FBXL13: variants seen among roughly 807,000 people sequenced by gnomAD.
FBXL13 encodes the protein F-box and leucine rich repeat protein 13, also known as F-box and leucine-rich repeat protein 13.
FBXL13 carries 67 observed loss-of-function variants against 83.6 expected under a neutral mutation model. The ratio of observed to expected loss-of-function variants is 0.80; its 90% CI spans 0.66 to 0.98. The LOEUF is 0.98. Among genes scored for constraint, FBXL13 ranks in the 50% least tolerant of loss-of-function variants. The pLI, the probability that FBXL13 is intolerant of heterozygous loss-of-function variation, is 0.00. For missense variants in FBXL13, 822 were observed against 866.5 expected (o/e 0.95, Z 0.64); for synonymous variants, 272 against 299.5 (o/e 0.91, Z 0.95).
chr7:103,021,876 T>C (rs1793221683), intron 6 of FBXL13, among the ~76,000 whole-genome samples: 2 of 152,282 alleles, frequency 1.3e-5, no homozygotes, highest in South Asian at 4.1e-4. Context: ...TTTTACACCG[T>C]TGGTGGGACT....
chr7:103,050,352 G>A (rs904026882), intron 2 of FBXL13, among the ~76,000 whole-genome samples: 17 of 152,156 alleles, frequency 1.1e-4, no homozygotes, highest in South Asian at 4.1e-4. Context: ...CAGCCCTAGC[G>A]TCCCAGCTTG....
At chr7:102,979,349 GA>G in intron 6 of FBXL13, among the ~76,000 whole-genome samples, 1 of 152,194 alleles carries the variant, frequency 6.6e-6, no homozygotes, top group East Asian at 1.9e-4. Flanking sequence ...TGCATTCTAA[GA>G]AGTCTTGCCT....
chr7:102,948,368 G>C (rs990902307), intron 8 of FBXL13, among the ~76,000 whole-genome samples: 1 of 151,872 alleles, frequency 6.6e-6, no homozygotes, highest in African/African-American at 2.4e-5. Context: ...CAGTAATGAG[G>C]ATCTACTTGT....
chr7:102,893,993 GAAAGAGGAAAGA>G, intron 11 of FBXL13, among the ~76,000 whole-genome samples: 1 of 149,632 alleles, frequency 6.7e-6, no homozygotes, highest in African/African-American at 2.4e-5. Flanking sequence ...AGGAAAGAAA[GAAAGAGGAAAGA>G]AAAGAAAGAG....
chr7:102,843,692 C>G (rs1449392006), intron 17 of FBXL13, among the ~76,000 whole-genome samples: 1 of 152,180 alleles, frequency 6.6e-6, no homozygotes, highest in Non-Finnish European at 1.5e-5. Flanking sequence ...AGGAGAATCG[C>G]TTGAACCCAG....
intron 2 of FBXL13, among the ~76,000 whole-genome samples, chr7:103,035,960 A>G (rs1226281148): frequency 6.6e-6 from 1 of 152,204 alleles, no homozygotes; most frequent in Non-Finnish European, 1.5e-5. Flanking sequence ...GTACAGGTCC[A>G]TGGCCTGTTA....
chr7:102,847,147 G>A (rs1406096312), intron 17 of FBXL13, among the ~76,000 whole-genome samples: 2 of 151,920 alleles, frequency 1.3e-5, no homozygotes, highest in African/African-American at 4.8e-5. Flanking sequence ...AGTTGCGACA[G>A]AGACTGTATG....
At chr7:102,847,360 T>C (rs1804182962) in intron 17 of FBXL13, among the ~76,000 whole-genome samples, 1 of 152,212 alleles carries the variant, frequency 6.6e-6, no homozygotes, top group Non-Finnish European at 1.5e-5. Context: ...AAATTAGGAC[T>C]CTTGACAGCT....
chr7:102,995,869 A>G (rs1789734380), intron 6 of FBXL13, among the ~76,000 whole-genome samples: 1 of 152,336 alleles, frequency 6.6e-6, no homozygotes, highest in East Asian at 1.9e-4. Context: ...TTTAAAATGC[A>G]AAAACTGGCA....
intron 16 of FBXL13, among the ~76,000 whole-genome samples, chr7:102,860,691 G>A (rs1298001981): frequency 6.6e-6 from 1 of 152,062 alleles, no homozygotes; most frequent in Non-Finnish European, 1.5e-5. Flanking sequence ...GTGTGTGTGT[G>A]TGTGTGGTGT....
chr7:102,819,815 C>A (rs921060166), intron 19 of FBXL13, among the ~76,000 whole-genome samples: 4 of 152,182 alleles, frequency 2.6e-5, no homozygotes, highest in African/African-American at 9.7e-5. Context: ...GATTAGAGAT[C>A]ATCAAGGGCT....
chr7:102,818,610 G>A (rs771545779), intron 19 of FBXL13, among the ~76,000 whole-genome samples: 1 of 152,128 alleles, frequency 6.6e-6, no homozygotes, highest in Non-Finnish European at 1.5e-5. Context: ...TGCCTGAGCA[G>A]TAGGGACTGT....
intron 6 of FBXL13, among the ~76,000 whole-genome samples, chr7:102,970,348 TAAA>T (rs879536381): frequency 3.3e-5 from 5 of 149,938 alleles, no homozygotes; most frequent in African/African-American, 1.2e-4. Context: ...TCATTTTTTT[TAAA>T]AAAATGAATG....
At chr7:102,879,284 C>A (rs1047543059) in intron 14 of FBXL13, among the ~76,000 whole-genome samples, 1 of 152,096 alleles carries the variant, frequency 6.6e-6, no homozygotes, top group Non-Finnish European at 1.5e-5. Flanking sequence ...TTACACCCTC[C>A]GTTTGTTCAG....
intron 16 of FBXL13, among the ~76,000 whole-genome samples, chr7:102,863,379 G>A (rs572693418): frequency 5.3e-5 from 8 of 152,270 alleles, no homozygotes; most frequent in African/African-American, 1.4e-4. Flanking sequence ...TAGTTACTGG[G>A]GGTATAGATC....
At chr7:103,027,643 G>A (rs1232055084) in intron 4 of FBXL13, 85 bp from the exon 6 acceptor site, 1 of 796,206 alleles carries the variant, frequency 1.3e-6, no homozygotes, top group Non-Finnish European at 1.9e-6. Context: ...AGTCTATCAT[G>A]TTTATGAGAC....
chr7:102,878,210 C>T, intron 15 of FBXL13, 121 bp downstream of exon 16: 2 of 796,998 alleles, frequency 2.5e-6, no homozygotes, highest in Non-Finnish European at 3.5e-6. Flanking sequence ...ATTTAACCAG[C>T]TTCTGGGCAT....
At chr7:103,063,331 C>A (rs182749335) in intron 1 of FBXL13, among the ~76,000 whole-genome samples, 299 of 152,312 alleles carry the variant, frequency 2.0e-3, no homozygotes, top group African/African-American at 6.4e-3. Flanking sequence ...CATCTACTTA[C>A]ATAGCATTTA....
intron 17 of FBXL13, among the ~76,000 whole-genome samples, chr7:102,834,090 G>GGAAGGAAGGAAGGAAGGAAGGA (rs60060071): frequency 8.5e-5 from 6 of 70,512 alleles, no homozygotes; most frequent in East Asian, 7.6e-4. Flanking sequence ...GGAAAGAAAA[G>GGAAGGAAGGAAGGAAGGAAGGA]AAAGAAAGAA....
Sources: gnomAD v4.1 joint callset for allele counts (sites outside exome capture counted in the v4.1 genomes callset) on GRCh38, gnomAD v4.1.1 for gene constraint, MANE v1.5 for transcripts, NCBI Gene and HGNC (gene_info 2026-07-23, HGNC 2026-07-21) for gene names.